AGO1: variants seen among roughly 807,000 people sequenced by gnomAD.
AGO1 encodes argonaute RISC component 1.
Under a neutral mutation model 109.2 loss-of-function variants are expected in AGO1, and 11 were observed. The observed-to-expected ratio is 0.10, with a 90% confidence interval of 0.06 to 0.17. The LOEUF (loss-of-function observed/expected upper bound fraction) is 0.17, where lower values mean the gene tolerates loss of function less well. AGO1 is among the 10% of genes least tolerant of loss of function. AGO1 has a pLI of 1.00. For missense variants in AGO1, 574 were observed against 1,140.3 expected (o/e 0.50, Z 7.15); for synonymous variants, 422 against 418.6 (o/e 1.01, Z -0.10).
chr1:35,871,399 C>A (rs545774764), intron 1 of AGO1, among the ~76,000 whole-genome samples: 1 of 150,878 alleles, frequency 6.6e-6, no homozygotes, highest in African/African-American at 2.4e-5. Flanking sequence ...AAAAATTAGC[C>A]GGGTATGGTG....
At chr1:35,902,367 G>A (rs562808547) in intron 11 of AGO1, 30 bp downstream of exon 11, 4 of 1,607,680 alleles carry the variant, frequency 2.5e-6, no homozygotes, top group Non-Finnish European at 3.4e-6. Context: ...GGGGTGGAAG[G>A]GTGGGAAGGA....
chr1:35,871,474 C>A lies in AGO1; in HGVS notation c.-201+1571C>A, dbSNP rs557870009. ...AGGAGAATCACTTGAACCCAGGAGGCGGAAGTTGCAGTGAGCAGAGATCTA... is the reference window on the plus strand; with the variant it reads ...AGGAGAATCACTTGAACCCAGGAGGAGGAAGTTGCAGTGAGCAGAGATCTA... On this transcript the variant is annotated intron_variant, in intron 1 of 18. Coordinates refer to the AGO1 transcript ENST00000373206. Among the ~76,000 whole-genome samples the A allele has an allele frequency of 3.3e-5, 5 of 151,518 alleles. No homozygotes were observed. The East Asian group carries it at 9.7e-4, about 29-fold the overall frequency.
In AGO1 at chr1:35,872,187, C is replaced by CT. The variant is rs541463659; in HGVS notation, c.-201+2300dup. ...AGATTTTAAACTAATGACTCAATTT[C>CT]TTTTTTTTTTTTTTTTGAGACGGAG... On this transcript the variant is annotated intron_variant, in intron 1 of 18. Transcript: ENST00000373206. 3.2e-3 allele frequency among the ~76,000 whole-genome samples: 428 copies of CT among 133,046 alleles called. 4 individuals are homozygous for CT. The highest frequency in any genetic ancestry group is 8.9e-3 in the East Asian group (41 of 4,592). 87.3% of individuals were successfully genotyped at this position (133,046 alleles called of 152,430 possible).
Position 35,923,213 on chromosome 1 carries a change from C to T in AGO1, c.*3606C>T, listed in dbSNP as rs374706238. 7.9e-5 allele frequency: 12 copies of T among 152,320 alleles called. No individual in the cohort carries two copies. The highest frequency in any genetic ancestry group is 2.4e-4 in the African/African-American group (10 of 41,580). The allele number at this position is 152,320 out of a possible 1,614,324, so 9.4% of individuals were successfully genotyped here. A position where few individuals can be genotyped will look rare whatever the true frequency, so the allele number is the denominator to read the frequency against. On this transcript the variant is annotated 3_prime_UTR_variant, in exon 19 of 19. Coordinates refer to ENST00000373204, the MANE Select transcript of AGO1 (RefSeq NM_012199.5). ...AGAAATTTGAAACTTCCCTAAAAAGCTCCTAATGCCCACCTGCTAGATAGC... is the reference window on the plus strand; with the variant it reads ...AGAAATTTGAAACTTCCCTAAAAAGTTCCTAATGCCCACCTGCTAGATAGC...
intron 1 of AGO1, among the ~76,000 whole-genome samples, chr1:35,870,284 T>C (rs1306285446): frequency 6.6e-6 from 1 of 151,718 alleles, no homozygotes; most frequent in African/African-American, 2.4e-5. Context: ...TTTGTTGTTG[T>C]TTTTTGTTTT....
chr1:35,928,790 T>C lies in AGO1; in HGVS notation c.*9183T>C, dbSNP rs1571391932. ...TGTTGCTTTTTTCTGTTCTAGTTTATACTTTTGTATCATATTTTAGGAAAT... is the reference window on the plus strand; with the variant it reads ...TGTTGCTTTTTTCTGTTCTAGTTTACACTTTTGTATCATATTTTAGGAAAT... On this transcript the variant is annotated 3_prime_UTR_variant, in exon 19 of 19. Coordinates refer to ENST00000373204, the MANE Select transcript of AGO1 (RefSeq NM_012199.5). 2 of 152,376 alleles carry C rather than the reference T, an allele frequency of 1.3e-5. No homozygotes were observed. Among genetic ancestry groups the C allele is most frequent in the African/African-American group, 2.4e-5 (1 of 41,598 alleles). The allele number at this position is 152,376 out of a possible 1,614,324, so 9.4% of individuals were successfully genotyped here.
intron 11 of AGO1, among the ~76,000 whole-genome samples, chr1:35,902,686 T>C (rs2148716142): frequency 6.6e-6 from 1 of 152,288 alleles, no homozygotes; most frequent in South Asian, 2.1e-4. Flanking sequence ...TATTCTCTTA[T>C]TTCATCTTTA....
Position 35,929,345 on chromosome 1 carries a change from T to C in AGO1, c.*9738T>C, listed in dbSNP as rs1021299293. On this transcript the variant is annotated 3_prime_UTR_variant, in exon 19 of 19. Transcript: ENST00000373204. ...AAGGCATCATTGACATTTACTGAGA[T>C]GGATTGAATCAGAGGGTGTAAATTC... is the stretch of plus-strand genomic sequence containing the variant. The C allele has an allele frequency of 1.1e-4, 16 of 152,252 alleles. No homozygotes were observed. The highest frequency in any genetic ancestry group is 3.9e-4 in the African/African-American group (16 of 41,466). The allele number at this position is 152,252 out of a possible 1,614,324, so 9.4% of individuals were successfully genotyped here.
chr1:35,875,254 T>C lies in AGO1; in HGVS notation c.-201+5351T>C, dbSNP rs187318583. Among the ~76,000 whole-genome samples, 1,015 of 152,312 alleles carry C rather than the reference T, an allele frequency of 6.7e-3. 8 individuals are homozygous for C. Among genetic ancestry groups the C allele is most frequent in the African/African-American group, 0.021 (888 of 41,556 alleles). On this transcript the variant is annotated intron_variant, in intron 1 of 18. Coordinates refer to the AGO1 transcript ENST00000373206. ...CTAACTCTTTTATTAGGGTCTAATG[T>C]AGCTGGTGACTTTAAATTGAAACCA...
At chr1:35,917,110 T>G (rs560402212) in intron 15 of AGO1, among the ~76,000 whole-genome samples, 1 of 152,322 alleles carries the variant, frequency 6.6e-6, no homozygotes, top group African/African-American at 2.4e-5. Flanking sequence ...CCTGTTTTCT[T>G]ATAATCCTGC....
intron 12 of AGO1, among the ~76,000 whole-genome samples, chr1:35,907,599 C>G (rs1271737691): frequency 6.6e-6 from 1 of 152,076 alleles, no homozygotes; most frequent in African/African-American, 2.4e-5. Context: ...AAATTTCTGT[C>G]ACAGCACTTT....
In AGO1 at chr1:35,921,843, T is replaced by C. The variant is rs559700666; in HGVS notation, c.*2236T>C. On this transcript the variant is annotated 3_prime_UTR_variant, in exon 19 of 19. Transcript: ENST00000373204. ...AGCTGAAGAACAGAATGGAGGGCTC[T>C]GGGAGGAGGCAGCTCACTGGAGAGC... The C allele has an allele frequency of 9.2e-5, 14 of 152,840 alleles. No individual in the cohort carries two copies. The East Asian group carries it at 2.5e-3, about 27-fold the overall frequency. 9.5% of individuals were successfully genotyped at this position (152,840 alleles called of 1,614,324 possible). A position where few individuals can be genotyped will look rare whatever the true frequency, so the allele number is the denominator to read the frequency against.
In AGO1 at chr1:35,907,086, A is replaced by G; in HGVS notation, c.1549A>G (p.Ile517Val). 1 of 1,613,870 alleles carries G rather than the reference A, an allele frequency of 6.2e-7. No individual in the cohort carries two copies. Residue 517 changes from isoleucine (I) to valine (V), a missense_variant, in exon 12 of 19, where the codon ATT becomes GTT. Coordinates refer to ENST00000373204, the MANE Select transcript of AGO1 (RefSeq NM_012199.5). ...KNTYSGLQLI[I>V]VILPGKTPVY... ...CACCTACTCAGGGCTGCAGCTCATT[A>G]TTGTCATCCTGCCAGGGAAGACGCC...
In AGO1 at chr1:35,920,692, C is replaced by T. The variant is rs1226112037; in HGVS notation, c.*1085C>T. 1 of 152,614 alleles carries T rather than the reference C, an allele frequency of 6.6e-6. No homozygotes were observed. The highest frequency in any genetic ancestry group is 1.5e-5 in the Non-Finnish European group (1 of 68,052). 9.5% of individuals were successfully genotyped at this position (152,614 alleles called of 1,614,324 possible). A position where few individuals can be genotyped will look rare whatever the true frequency, so the allele number is the denominator to read the frequency against. On this transcript the variant is annotated 3_prime_UTR_variant, in exon 19 of 19. Coordinates refer to ENST00000373204, the MANE Select transcript of AGO1 (RefSeq NM_012199.5). ...ATGCCTCCTTTTCTCCTTATTCCTCCTACCTCCCGCCCCGCCCAGGTCTGG... is the reference window on the plus strand; with the variant it reads ...ATGCCTCCTTTTCTCCTTATTCCTCTTACCTCCCGCCCCGCCCAGGTCTGG...
chr1:35,905,634 G>GT lies in AGO1; in HGVS notation c.1398-1293dup, dbSNP rs911228538. On this transcript the variant is annotated intron_variant, in intron 11 of 18. Coordinates refer to ENST00000373204, the MANE Select transcript of AGO1 (RefSeq NM_012199.5). ...GGCACTCACCACCATGCCCGGCTAG[G>GT]TTTTTTTTGTATTTTTAGTAGAGAC... 4.4e-4 allele frequency among the ~76,000 whole-genome samples: 67 copies of GT among 151,622 alleles called. 1 individual carries two copies. The highest frequency in any genetic ancestry group is 4.2e-3 in the Admixed American group (64 of 15,204).
intron 8 of AGO1, 140 bp downstream of exon 8, chr1:35,895,409 G>A (rs750757542): frequency 5.8e-5 from 55 of 944,390 alleles, no homozygotes; most frequent in Middle Eastern, 6.7e-4. Context: ...TGAAATAGAG[G>A]CCTCATTCTT....
At chr1:35,872,706 G>A (rs111822454) in intron 1 of AGO1, among the ~76,000 whole-genome samples, 90 of 152,046 alleles carry the variant, frequency 5.9e-4, no homozygotes, top group African/African-American at 2.1e-3. Flanking sequence ...CGAGAAGCTA[G>A]GACTACAGTG....
intron 11 of AGO1, 139 bp downstream of exon 11, chr1:35,902,476 C>A: frequency 8.7e-7 from 1 of 1,155,008 alleles, no homozygotes; most frequent in Non-Finnish European, 1.1e-6. Context: ...CTGGCTCAAA[C>A]TTCTACCAAT....
intron 15 of AGO1, among the ~76,000 whole-genome samples, chr1:35,915,850 C>T (rs1645725117): frequency 6.6e-6 from 1 of 152,176 alleles, no homozygotes; most frequent in Non-Finnish European, 1.5e-5. Flanking sequence ...CTTGTTAAAA[C>T]AGTTTTAAGG....
Sources: gnomAD v4.1 joint callset for allele counts (sites outside exome capture counted in the v4.1 genomes callset) on GRCh38, gnomAD v4.1.1 for gene constraint, MANE v1.5 for transcripts, NCBI Gene and HGNC (gene_info 2026-07-23, HGNC 2026-07-21) for gene names.